MAGI2: variants seen among roughly 807,000 people sequenced by gnomAD.
The protein encoded by MAGI2 is membrane associated guanylate kinase, WW and PDZ domain containing 2, also known as membrane-associated guanylate kinase, WW and PDZ domain-containing protein 2.
In MAGI2, 35 loss-of-function variants were observed where a neutral mutation model predicts 133.3. That is an observed-to-expected ratio of 0.26 (90% CI 0.20 to 0.35). The LOEUF is 0.35. MAGI2 is among the 10% of genes least tolerant of loss of function. The pLI is 1.00. For missense variants in MAGI2, 1,636 were observed against 1,863.4 expected, an observed-to-expected ratio of 0.88 and a Z score of 2.25; for synonymous variants, 729 against 710.6, an observed-to-expected ratio of 1.03 and a Z score of -0.41.
intron 1 of MAGI2, among the ~76,000 whole-genome samples, chr7:79,441,148 A>C (rs1267775305): frequency 6.6e-6 from 1 of 152,246 alleles, no homozygotes; most frequent in East Asian, 1.9e-4. Context: ...GTCTGAGGCC[A>C]TCCTGATACG....
At position 78,684,742 on chromosome 7, in the gene MAGI2, A is replaced by AT. The variant is rs112176858; in HGVS notation, c.419-57504dup. On this transcript the variant is annotated intron_variant, in intron 2 of 21. Transcript: ENST00000354212. ...CTTCCAGGAAAAAAGAAAAAAAAGC[A>AT]TTTTTTTTCTCCCTAAAACTTTAAA... is the stretch of plus-strand genomic sequence containing the variant. 2.2e-4 allele frequency among the ~76,000 whole-genome samples: 33 copies of AT among 151,778 alleles called. 1 individual carries two copies. The East Asian group carries it at 3.7e-3, about 17-fold the overall frequency.
intron 1 of MAGI2, among the ~76,000 whole-genome samples, chr7:79,159,340 C>T (rs1824122468): frequency 6.6e-6 from 1 of 151,662 alleles, no homozygotes; most frequent in African/African-American, 2.4e-5. Flanking sequence ...ATGGTGAAAC[C>T]TTGTCTCTAC....
intron 6 of MAGI2, among the ~76,000 whole-genome samples, chr7:78,418,454 C>A (rs1798496147): frequency 6.6e-6 from 1 of 152,086 alleles, no homozygotes; most frequent in Non-Finnish European, 1.5e-5. Flanking sequence ...GGAGAACTAC[C>A]AGCACAATTC....
chr7:78,329,823 T>C (rs798315), intron 9 of MAGI2, among the ~76,000 whole-genome samples: 128,726 of 152,142 alleles, frequency 0.85, 54,653 homozygotes, highest in Admixed American at 0.89. Context: ...AGCCCAATTT[T>C]AGTGTCAGAT....
chr7:78,685,094 TTC>T (rs777990344), intron 2 of MAGI2, among the ~76,000 whole-genome samples: 8 of 152,212 alleles, frequency 5.3e-5, no homozygotes, highest in Non-Finnish European at 7.3e-5. Context: ...CCTTAAATGT[TTC>T]TGTCAAAGTT....
chr7:78,596,268 G>A (rs547950865), intron 3 of MAGI2, among the ~76,000 whole-genome samples: 19 of 151,938 alleles, frequency 1.3e-4, no homozygotes, highest in Non-Finnish European at 2.4e-4. Context: ...GAAGAACTGG[G>A]ATGATACCAC....
chr7:79,234,568 T>C lies in MAGI2; in HGVS notation c.301+218452A>G, dbSNP rs574119641. ...TTCATCTTCCATTGCTGACACCCTTTCTTCCAGTTGATCGCATCGGCTCCT... is the reference window on the plus strand; with the variant it reads ...TTCATCTTCCATTGCTGACACCCTTCCTTCCAGTTGATCGCATCGGCTCCT... On this transcript the variant is annotated intron_variant, in intron 1 of 21. Coordinates refer to ENST00000354212, the MANE Select transcript of MAGI2 (RefSeq NM_012301.4). 2.1e-3 allele frequency among the ~76,000 whole-genome samples: 318 copies of C among 152,264 alleles called. 2 individuals are homozygous for C. The highest frequency in any genetic ancestry group is 7.0e-3 in the African/African-American group (293 of 41,562).
At chr7:78,027,724 T>C (rs564414733) in intron 21 of MAGI2, among the ~76,000 whole-genome samples, 2 of 152,188 alleles carry the variant, frequency 1.3e-5, no homozygotes. Context: ...TAGTACTATC[T>C]ACTTAAAAAA....
chr7:78,598,822 G>A (rs1410116156), intron 3 of MAGI2, among the ~76,000 whole-genome samples: 1 of 152,118 alleles, frequency 6.6e-6, no homozygotes, highest in African/African-American at 2.4e-5. Context: ...TAGTAAACAT[G>A]TTTCTGGCTT....
intron 10 of MAGI2, among the ~76,000 whole-genome samples, chr7:78,215,703 G>A (rs1277542575): frequency 1.3e-5 from 2 of 152,176 alleles, no homozygotes; most frequent in African/African-American, 2.4e-5. Context: ...AGCAACCCCA[G>A]CCATGGGAAT....
chr7:78,676,455 C>T (rs191489708), intron 2 of MAGI2, among the ~76,000 whole-genome samples: 1 of 152,200 alleles, frequency 6.6e-6, no homozygotes, highest in East Asian at 1.9e-4. Flanking sequence ...ACTCTTTTAA[C>T]CTGAAGAACT....
intron 1 of MAGI2, among the ~76,000 whole-genome samples, chr7:79,077,296 G>T (rs1008059848): frequency 6.6e-6 from 1 of 151,816 alleles, no homozygotes; most frequent in African/African-American, 2.4e-5. Context: ...GGTGGCTCAC[G>T]CCTGTAATCC....
intron 20 of MAGI2, among the ~76,000 whole-genome samples, chr7:78,089,965 T>C (rs1018339773): frequency 6.6e-6 from 1 of 152,242 alleles, no homozygotes; most frequent in Admixed American, 6.5e-5. Context: ...TGTGACCTTC[T>C]GGCTTATCAC....
intron 1 of MAGI2, among the ~76,000 whole-genome samples, chr7:79,025,437 C>T (rs567060443): frequency 6.6e-6 from 1 of 152,076 alleles, no homozygotes; most frequent in African/African-American, 2.4e-5. Flanking sequence ...AATTTGTAAA[C>T]CAAACTCCTG....
At chr7:78,789,928 T>C (rs1480089585) in intron 2 of MAGI2, among the ~76,000 whole-genome samples, 1 of 152,112 alleles carries the variant, frequency 6.6e-6, no homozygotes, top group Non-Finnish European at 1.5e-5. Flanking sequence ...TAGGTTCCAT[T>C]TGAGAGGCAG....
chr7:78,945,081 G>A (rs1171183379), intron 2 of MAGI2, among the ~76,000 whole-genome samples: 4 of 151,884 alleles, frequency 2.6e-5, no homozygotes, highest in Non-Finnish European at 4.4e-5. Context: ...TTGAGATGGA[G>A]TATTGCTGTG....
chr7:78,032,043 T>C (rs1809644975), intron 21 of MAGI2, among the ~76,000 whole-genome samples: 2 of 145,332 alleles, frequency 1.4e-5, no homozygotes, highest in African/African-American at 2.5e-5. Context: ...CAATTCCGGC[T>C]GTTTAAAAAG....
intron 1 of MAGI2, among the ~76,000 whole-genome samples, chr7:79,208,921 T>C (rs1344493913): frequency 6.6e-6 from 1 of 151,976 alleles, no homozygotes; most frequent in Non-Finnish European, 1.5e-5. Context: ...TTAACCAGGA[T>C]AGAAAGACAA....
chr7:78,951,929 T>C (rs1165000744), intron 2 of MAGI2, among the ~76,000 whole-genome samples: 3 of 152,162 alleles, frequency 2.0e-5, no homozygotes, highest in African/African-American at 7.2e-5. Context: ...TTTCTTCTCT[T>C]CTAATATCCT....
Sources: allele counts gnomAD v4.1 joint callset (sites outside exome capture counted in the v4.1 genomes callset), GRCh38; gene constraint gnomAD v4.1.1; transcripts MANE v1.5; gene names NCBI Gene and HGNC (gene_info 2026-07-23, HGNC 2026-07-21).